Variants in KAZN observed in about 807,000 individuals in gnomAD.
KAZN encodes the protein kazrin, periplakin interacting protein.
A neutral mutation model predicts 87.4 loss-of-function variants in KAZN; 40 were observed. The ratio of observed to expected loss-of-function variants is 0.46; its 90% CI spans 0.36 to 0.60. The LOEUF (loss-of-function observed/expected upper bound fraction) is 0.60, where lower values mean the gene tolerates loss of function less well. Among genes scored for constraint, KAZN ranks in the 20% least tolerant of loss-of-function variants. KAZN has a pLI of 0.00. For missense variants in KAZN, 898 were observed against 1,073.9 expected, an observed-to-expected ratio of 0.84 and a Z score of 2.29; for synonymous variants, 466 against 458.3, an observed-to-expected ratio of 1.02 and a Z score of -0.22.
chr1:14,782,554 CAAAAAAAAAAAAAAAA>C (rs71572122), intron 1 of KAZN, among the ~76,000 whole-genome samples: 1 of 66,252 alleles, frequency 1.5e-5, no homozygotes, highest in Non-Finnish European at 2.7e-5. Flanking sequence ...CCTCAAAGAG[CAAAAAAAAAAAAAAAA>C]AAAAAAAAGA....
intron 2 of KAZN, among the ~76,000 whole-genome samples, chr1:14,966,070 C>T (rs1009878158): frequency 1.0e-4 from 15 of 149,946 alleles, no homozygotes; most frequent in Non-Finnish European, 1.8e-4. Flanking sequence ...ACCTCCGCCT[C>T]CTGGGTTCAA....
At chr1:14,428,247 T>C (rs1338057845) in intron 2 of KAZN, among the ~76,000 whole-genome samples, 1 of 152,172 alleles carries the variant, frequency 6.6e-6, no homozygotes, top group Non-Finnish European at 1.5e-5. Context: ...GGTTACTAAA[T>C]GAGCTCAGAG....
intron 14 of KAZN, 126 bp downstream of exon 14, chr1:15,112,667 G>A: frequency 1.5e-6 from 1 of 648,788 alleles, no homozygotes; most frequent in Non-Finnish European, 2.8e-6. Flanking sequence ...GGGTCACGGG[G>A]GCATCCAGGA....
chr1:14,108,212 G>A (rs926330915), intron 1 of KAZN, among the ~76,000 whole-genome samples: 1 of 151,872 alleles, frequency 6.6e-6, no homozygotes, highest in Non-Finnish European at 1.5e-5. Flanking sequence ...TCAGGTCTTT[G>A]CTTGAAAGTC....
chr1:14,453,018 C>T (rs887353640), intron 2 of KAZN, among the ~76,000 whole-genome samples: 1 of 152,112 alleles, frequency 6.6e-6, no homozygotes, highest in Non-Finnish European at 1.5e-5. Flanking sequence ...TGCAGTGGCG[C>T]AATCTCGGCT....
At chr1:15,105,160 G>A (rs1641250837) in intron 13 of KAZN, among the ~76,000 whole-genome samples, 5 of 152,172 alleles carry the variant, frequency 3.3e-5, no homozygotes, top group Non-Finnish European at 1.5e-5. Flanking sequence ...TTGGTATCAG[G>A]GTAATATAGC....
chr1:15,035,434 T>C (rs757030528), intron 3 of KAZN, among the ~76,000 whole-genome samples: 5 of 152,180 alleles, frequency 3.3e-5, no homozygotes, highest in South Asian at 2.1e-4. Context: ...GACATATGCA[T>C]TGGGCTCTGT....
At chr1:14,553,705 G>A (rs894048192) in intron 2 of KAZN, among the ~76,000 whole-genome samples, 1 of 152,128 alleles carries the variant, frequency 6.6e-6, no homozygotes, top group African/African-American at 2.4e-5. Flanking sequence ...CCATGGCTTG[G>A]CACCATTGCC....
intron 2 of KAZN, among the ~76,000 whole-genome samples, chr1:14,476,793 C>T (rs1335034149): frequency 6.6e-6 from 1 of 152,160 alleles, no homozygotes; most frequent in Non-Finnish European, 1.5e-5. Context: ...TTGCTGCACC[C>T]ACAGGATCTG....
At chr1:14,826,590 G>A (rs1393598890) in intron 1 of KAZN, among the ~76,000 whole-genome samples, 3 of 152,072 alleles carry the variant, frequency 2.0e-5, no homozygotes, top group Non-Finnish European at 2.9e-5. Flanking sequence ...CCTCGGTCCC[G>A]CGCTGGCCGT....
At chr1:14,826,960 A>C (rs1322903814) in intron 1 of KAZN, among the ~76,000 whole-genome samples, 1 of 152,156 alleles carries the variant, frequency 6.6e-6, no homozygotes, top group African/African-American at 2.4e-5. Context: ...AAGCTCTCCG[A>C]GTCCCAGTGT....
chr1:14,906,979 G>A (rs973795112), intron 1 of KAZN, among the ~76,000 whole-genome samples: 1 of 151,882 alleles, frequency 6.6e-6, no homozygotes, highest in Non-Finnish European at 1.5e-5. Flanking sequence ...CCCAGGATGT[G>A]TCCTCTGACC....
At chr1:14,003,228 C>T (rs913729768) in intron 1 of KAZN, among the ~76,000 whole-genome samples, 3 of 150,400 alleles carry the variant, frequency 2.0e-5, no homozygotes, top group Non-Finnish European at 3.0e-5. Flanking sequence ...GAGGAGGGAA[C>T]TTAGAGGGTG....
At chr1:14,807,772 TA>T (rs1206820109) in intron 1 of KAZN, among the ~76,000 whole-genome samples, 18 of 149,354 alleles carry the variant, frequency 1.2e-4, no homozygotes, top group South Asian at 4.3e-4. Flanking sequence ...CTGCCTCAAT[TA>T]AAAAAAAAAT....
chr1:14,573,198 C>T (rs1023134171), intron 2 of KAZN, among the ~76,000 whole-genome samples: 4 of 152,152 alleles, frequency 2.6e-5, no homozygotes, highest in Non-Finnish European at 4.4e-5. Flanking sequence ...TCCTTTAAGC[C>T]CCATGTGTAT....
intron 2 of KAZN, among the ~76,000 whole-genome samples, chr1:14,993,108 T>C (rs1468292817): frequency 6.7e-6 from 1 of 149,866 alleles, no homozygotes; most frequent in Admixed American, 6.6e-5. Context: ...ATTACAGATG[T>C]GAGCCATCGC....
At chr1:14,702,367 G>GTGTGTGTGTGTGTGTGT (rs1641978149) in intron 1 of KAZN, among the ~76,000 whole-genome samples, 1 of 52,698 alleles carries the variant, frequency 1.9e-5, no homozygotes. Flanking sequence ...TGTGTGTGTG[G>GTGTGTGTGTGTGTGTGT]ATTTCTCTGT....
chr1:14,637,775 ATATG>A (rs1485259167), intron 1 of KAZN, among the ~76,000 whole-genome samples: 3 of 151,714 alleles, frequency 2.0e-5, no homozygotes, highest in African/African-American at 7.3e-5. Flanking sequence ...ATGTACATAT[ATATG>A]TGTGTGTGCA....
chr1:14,141,409 G>A (rs1468086689), intron 1 of KAZN, among the ~76,000 whole-genome samples: 2 of 151,914 alleles, frequency 1.3e-5, no homozygotes, highest in South Asian at 2.1e-4. Context: ...CCCTCTCCAA[G>A]GGTCAGCCCC....
Sources: allele counts gnomAD v4.1 joint callset (sites outside exome capture counted in the v4.1 genomes callset), GRCh38; gene constraint gnomAD v4.1.1; transcripts MANE v1.5; gene names NCBI Gene and HGNC (gene_info 2026-07-23, HGNC 2026-07-21).